Variants in SORCS2 observed in about 807,000 individuals in gnomAD.
SORCS2 encodes the protein sortilin related VPS10 domain containing receptor 2.
Under a neutral mutation model 141.6 loss-of-function variants are expected in SORCS2, and 100 were observed. The ratio of observed to expected loss-of-function variants is 0.71; its 90% CI spans 0.60 to 0.83. The LOEUF (loss-of-function observed/expected upper bound fraction) is 0.83, where lower values mean the gene tolerates loss of function less well. Among genes scored for constraint, SORCS2 ranks in the 40% least tolerant of loss-of-function variants. The pLI, the probability that SORCS2 is intolerant of heterozygous loss-of-function variation, is 0.00. For synonymous variants in SORCS2, 789 were observed against 676.9 expected, an observed-to-expected ratio of 1.17 and a Z score of -2.57; for missense variants, 1,646 against 1,560.2, an observed-to-expected ratio of 1.05 and a Z score of -0.93.
At chr4:7,471,972 G>C (rs777126305) in intron 2 of SORCS2, among the ~76,000 whole-genome samples, 4 of 152,194 alleles carry the variant, frequency 2.6e-5, no homozygotes, top group Non-Finnish European at 4.4e-5. Context: ...CCTCCCTCTG[G>C]AGAAAGGCCC....
chr4:7,702,932 C>T (rs1161161682), intron 12 of SORCS2, among the ~76,000 whole-genome samples: 3 of 152,222 alleles, frequency 2.0e-5, no homozygotes, highest in African/African-American at 7.2e-5. Flanking sequence ...GGCTGTGTAT[C>T]GTAAATATTT....
At chr4:7,553,288 T>A (rs1021379610) in intron 3 of SORCS2, among the ~76,000 whole-genome samples, 1 of 152,132 alleles carries the variant, frequency 6.6e-6, no homozygotes, top group Non-Finnish European at 1.5e-5. Context: ...ATATTCTGAT[T>A]TTTTTTCTTT....
At chr4:7,727,433 C>CA (rs1408720657) in intron 21 of SORCS2, among the ~76,000 whole-genome samples, 1 of 152,206 alleles carries the variant, frequency 6.6e-6, no homozygotes, top group Non-Finnish European at 1.5e-5. Flanking sequence ...GGAGACCCCC[C>CA]CCCCCCTTGT....
chr4:7,581,319 C>G (rs1390025958), intron 3 of SORCS2, among the ~76,000 whole-genome samples: 3 of 151,954 alleles, frequency 2.0e-5, no homozygotes, highest in Non-Finnish European at 2.9e-5. Flanking sequence ...TTACTTTTTA[C>G]ATTGGCAAAA....
rs974300154 is a variant in SORCS2, at chr4:7,704,104, C to G, written c.1761-73C>G. The G allele has an allele frequency of 2.0e-5, 28 of 1,416,932 alleles. No individual in the cohort carries two copies. In the Admixed American group the frequency reaches 4.1e-4, roughly 21 times the overall value. 87.8% of individuals were successfully genotyped at this position (1,416,932 alleles called of 1,614,324 possible). On this transcript the variant is annotated intron_variant, in intron 13 of 26. Transcript: ENST00000507866. ...GCAGCCTCCGCCCCTCCAGCTGGAC[C>G]CGCCGGGCAGAGTCCCAGACACAGG...
rs183773027 is a variant in SORCS2 at position 7,428,074 on chromosome 4, G to A, written c.548+31719G>A. ...TTCCATACCCAGACTCCATCCAGCC[G>A]TCATCTGTGGGTCCTGGGGTGGGGC... On this transcript the variant is annotated intron_variant, in intron 2 of 26. Transcript: ENST00000507866. Among the ~76,000 whole-genome samples the A allele has an allele frequency of 3.6e-4, 55 of 152,294 alleles. No individual in the cohort carries two copies. The East Asian group carries it at 6.8e-3, about 19-fold the overall frequency.
At chr4:7,607,506 C>T (rs1038552593) in intron 3 of SORCS2, among the ~76,000 whole-genome samples, 1 of 152,182 alleles carries the variant, frequency 6.6e-6, no homozygotes, top group African/African-American at 2.4e-5. Context: ...GCTTCTTGGG[C>T]ACCTGGTGTT....
At chr4:7,451,700 G>C (rs976787890) in intron 2 of SORCS2, among the ~76,000 whole-genome samples, 6 of 152,224 alleles carry the variant, frequency 3.9e-5, no homozygotes, top group Non-Finnish European at 7.3e-5. Flanking sequence ...TTTGCCACTG[G>C]GGTGGTGGGG....
intron 1 of SORCS2, among the ~76,000 whole-genome samples, chr4:7,208,952 A>G (rs1168040035): frequency 6.6e-6 from 1 of 152,154 alleles, no homozygotes; most frequent in East Asian, 1.9e-4. Flanking sequence ...TTTCCAGCAG[A>G]CAGCCTGGCC....
chr4:7,513,454 C>A (rs1192236404), intron 2 of SORCS2, among the ~76,000 whole-genome samples: 4 of 152,212 alleles, frequency 2.6e-5, no homozygotes. Context: ...TCACCTGCAG[C>A]CCAGCCAGGA....
In SORCS2 at chr4:7,196,301, G is replaced by A. The variant is rs141009154; in HGVS notation, c.480+3175G>A. Reference sequence around the variant, plus strand: ...GTTTTGCATCTCCGGAGCTGCCCTTGGAGGCAGCGGTGCTATTTGAAGGTG... The same window carrying A: ...GTTTTGCATCTCCGGAGCTGCCCTTAGAGGCAGCGGTGCTATTTGAAGGTG... On this transcript the variant is annotated intron_variant, in intron 1 of 26. Transcript: ENST00000507866. Among the ~76,000 whole-genome samples, 227 of 152,296 alleles carry A rather than the reference G, an allele frequency of 1.5e-3. 2 individuals carry two copies. Among genetic ancestry groups the A allele is most frequent in the African/African-American group, 5.0e-3 (209 of 41,548 alleles).
chr4:7,701,068 G>A (rs6821956), intron 12 of SORCS2, among the ~76,000 whole-genome samples: 36,296 of 152,104 alleles, frequency 0.24, 4,673 homozygotes, highest in Non-Finnish European at 0.29. Flanking sequence ...GTCCCTGATG[G>A]GCAGCAGCAC....
At position 7,703,873 on chromosome 4, in the gene SORCS2, G is replaced by A. The variant is rs116999456; in HGVS notation, c.1761-304G>A. ...TGCCAGATGGTGGCACTACAATACC[G>A]GCCCTACCACGGGCCTGGCAACGCC... On this transcript the variant is annotated intron_variant, in intron 13 of 26. Coordinates refer to ENST00000507866, the MANE Select transcript of SORCS2 (RefSeq NM_020777.3). 7.2e-5 allele frequency among the ~76,000 whole-genome samples: 11 copies of A among 152,342 alleles called. No homozygotes were observed. In the East Asian group the frequency reaches 1.7e-3, roughly 24 times the overall value.
rs1325985585 is a variant in SORCS2, at chr4:7,433,312, G to A, written c.548+36957G>A. The A allele has an allele frequency of 2.9e-6, 4 of 1,382,446 alleles. No individual in the cohort carries two copies. The African/African-American group carries it at 4.4e-5, about 15-fold the overall frequency. 85.6% of individuals were successfully genotyped at this position (1,382,446 alleles called of 1,614,324 possible). The stretch of plus-strand genomic sequence containing the variant: ...CAGGCTCTGGGTCTCTGGCAGCCAC[G>A]GTCACGCGTGTTCCCCAGCGTGGAG... On this transcript the variant is annotated intron_variant, in intron 2 of 26. Coordinates refer to ENST00000507866, the MANE Select transcript of SORCS2 (RefSeq NM_020777.3).
At chr4:7,696,560 C>A (rs1192317229) in intron 11 of SORCS2, among the ~76,000 whole-genome samples, 1 of 152,196 alleles carries the variant, frequency 6.6e-6, no homozygotes, top group Non-Finnish European at 1.5e-5. Flanking sequence ...ACACTGCCCA[C>A]AGCATTAAGT....
chr4:7,607,488 C>G (rs758079749), intron 3 of SORCS2, among the ~76,000 whole-genome samples: 1 of 152,202 alleles, frequency 6.6e-6, no homozygotes, highest in Admixed American at 6.5e-5. Flanking sequence ...ACCTGCCTGT[C>G]ATTGAGCGCT....
At chr4:7,213,924 C>T (rs1728185050) in intron 1 of SORCS2, among the ~76,000 whole-genome samples, 1 of 152,182 alleles carries the variant, frequency 6.6e-6, no homozygotes, top group Non-Finnish European at 1.5e-5. Context: ...GGCTTTATTC[C>T]ATGTCCCTGC....
At chr4:7,701,015 GC>G (rs1364608656) in intron 12 of SORCS2, among the ~76,000 whole-genome samples, 2 of 152,226 alleles carry the variant, frequency 1.3e-5, no homozygotes, top group Admixed American at 6.5e-5. Flanking sequence ...GATCCTGTGT[GC>G]AGCACGCCTC....
At chr4:7,495,308 C>T (rs185543197) in intron 2 of SORCS2, among the ~76,000 whole-genome samples, 67 of 152,350 alleles carry the variant, frequency 4.4e-4, no homozygotes, top group Non-Finnish European at 7.8e-4. Flanking sequence ...CGGCAGAAAG[C>T]GAGGCCAGGC....
Sources: allele counts gnomAD v4.1 joint callset (sites outside exome capture counted in the v4.1 genomes callset), GRCh38; gene constraint gnomAD v4.1.1; transcripts MANE v1.5; gene names NCBI Gene and HGNC (gene_info 2026-07-23, HGNC 2026-07-21).